TMTC2: variants seen among roughly 807,000 people sequenced by gnomAD.
TMTC2 encodes transmembrane O-mannosyltransferase targeting cadherins 2.
In TMTC2, 43 loss-of-function variants were observed where a neutral mutation model predicts 82.4. The observed-to-expected ratio is 0.52, with a 90% CI of 0.41 to 0.67. The LOEUF is 0.67. Among genes scored for constraint, TMTC2 ranks in the 30% least tolerant of loss-of-function variants. TMTC2 has a pLI of 0.00. For synonymous variants in TMTC2, 408 were observed against 381.9 expected (o/e 1.07, Z -0.80); for missense variants, 919 against 1,012.4 (o/e 0.91, Z 1.25).
At chr12:82,863,323 G>A (rs1444269966) in intron 2 of TMTC2, among the ~76,000 whole-genome samples, 2 of 152,098 alleles carry the variant, frequency 1.3e-5, no homozygotes. Flanking sequence ...TCCAGATGTA[G>A]CAAGATGCTC....
chr12:83,132,641 A>C lies in TMTC2; in HGVS notation c.*252A>C. ...TAGACTGTAAACCAGAGCACTTAAAACAGAACCTTTTGGCATTCTTAAAAA... is the reference window on the plus strand; with the variant it reads ...TAGACTGTAAACCAGAGCACTTAAACCAGAACCTTTTGGCATTCTTAAAAA... On this transcript the variant is annotated 3_prime_UTR_variant, in exon 12 of 12. Transcript: ENST00000321196. 2.5e-6 allele frequency: 1 copy of C among 401,550 alleles called. No homozygotes were observed. The allele number at this position is 401,550 out of a possible 1,614,324, so 24.9% of individuals were successfully genotyped here. A position where few individuals can be genotyped will look rare whatever the true frequency, so the allele number is the denominator to read the frequency against.
At chr12:82,961,234 T>C (rs1171044120) in intron 4 of TMTC2, among the ~76,000 whole-genome samples, 1 of 121,270 alleles carries the variant, frequency 8.2e-6, no homozygotes, top group Non-Finnish European at 1.7e-5. Flanking sequence ...ATTATTATTG[T>C]AACTATTGTA....
intron 9 of TMTC2, among the ~76,000 whole-genome samples, chr12:83,045,161 A>C (rs1882040415): frequency 6.6e-6 from 1 of 152,226 alleles, no homozygotes; most frequent in Admixed American, 6.5e-5. Context: ...TTCCCACTTT[A>C]GCCCATGAGG....
intron 1 of TMTC2, among the ~76,000 whole-genome samples, chr12:82,708,685 C>A (rs532019450): frequency 6.6e-6 from 1 of 152,172 alleles, no homozygotes; most frequent in East Asian, 1.9e-4. Context: ...GCTGCTTCTA[C>A]GATGCTCGAG....
chr12:82,910,432 C>T (rs1238986857), intron 3 of TMTC2, among the ~76,000 whole-genome samples: 1 of 152,164 alleles, frequency 6.6e-6, no homozygotes, highest in East Asian at 1.9e-4. Flanking sequence ...TGAATGTTTA[C>T]AGCTACTGAA....
chr12:82,717,383 C>T (rs1873952820), intron 1 of TMTC2, among the ~76,000 whole-genome samples: 2 of 152,152 alleles, frequency 1.3e-5, no homozygotes, highest in African/African-American at 4.8e-5. Context: ...CACCACCATG[C>T]CCGGCTAAGT....
At chr12:82,953,840 GAAAAA>G (rs11284711) in intron 4 of TMTC2, among the ~76,000 whole-genome samples, 3 of 147,890 alleles carry the variant, frequency 2.0e-5, no homozygotes, top group African/African-American at 4.9e-5. Context: ...TTATCTCTGA[GAAAAA>G]AAAAAAACCC....
intron 8 of TMTC2, among the ~76,000 whole-genome samples, chr12:83,022,542 A>G (rs1054431516): frequency 6.6e-6 from 1 of 152,114 alleles, no homozygotes; most frequent in African/African-American, 2.4e-5. Context: ...AGCCTATCAC[A>G]TAGCAGGAAC....
At chr12:83,084,931 C>T (rs546246686) in intron 11 of TMTC2, among the ~76,000 whole-genome samples, 12 of 152,312 alleles carry the variant, frequency 7.9e-5, no homozygotes, top group Admixed American at 2.6e-4. Context: ...ATTGGCTAAG[C>T]CTGCATGCTT....
intron 11 of TMTC2, among the ~76,000 whole-genome samples, chr12:83,110,918 G>A (rs1226768129): frequency 6.6e-6 from 1 of 152,200 alleles, no homozygotes; most frequent in Non-Finnish European, 1.5e-5. Context: ...TCTGCCCAAT[G>A]CCTGCTTAGT....
chr12:82,958,861 C>A (rs1358779522), intron 4 of TMTC2, among the ~76,000 whole-genome samples: 1 of 152,022 alleles, frequency 6.6e-6, no homozygotes. Context: ...AAATAAAAGG[C>A]CTCCAAATAG....
chr12:82,940,602 G>A (rs1435028966), intron 4 of TMTC2, among the ~76,000 whole-genome samples: 1 of 148,170 alleles, frequency 6.7e-6, no homozygotes, highest in African/African-American at 2.5e-5. Context: ...TCCCAAATAT[G>A]TTTTGCTTTT....
intron 8 of TMTC2, among the ~76,000 whole-genome samples, chr12:82,995,315 C>T (rs1484494760): frequency 8.3e-6 from 1 of 119,986 alleles, no homozygotes; most frequent in Non-Finnish European, 1.8e-5. Flanking sequence ...TTCCTTGTGG[C>T]ATTTGGTTAT....
intron 8 of TMTC2, among the ~76,000 whole-genome samples, chr12:83,022,884 A>G (rs1392759070): frequency 1.3e-5 from 2 of 152,208 alleles, no homozygotes; most frequent in Non-Finnish European, 2.9e-5. Context: ...TGGTTTAGAT[A>G]ATTTTCTGCA....
At chr12:83,046,987 G>C (rs915805500) in intron 9 of TMTC2, among the ~76,000 whole-genome samples, 13 of 152,306 alleles carry the variant, frequency 8.5e-5, no homozygotes, top group Admixed American at 5.9e-4. Context: ...ACTGGTCTAA[G>C]AAGGCGTCAC....
chr12:82,964,396 C>G (rs755789717), intron 4 of TMTC2, among the ~76,000 whole-genome samples: 3 of 152,050 alleles, frequency 2.0e-5, no homozygotes, highest in Non-Finnish European at 4.4e-5. Context: ...AGATGTTTTT[C>G]AGAACAGTGA....
At chr12:83,006,964 G>A (rs971155499) in intron 8 of TMTC2, among the ~76,000 whole-genome samples, 6 of 152,126 alleles carry the variant, frequency 3.9e-5, no homozygotes, top group Non-Finnish European at 7.3e-5. Flanking sequence ...GGGAGGGATA[G>A]CATTAAGAGA....
At chr12:83,019,307 G>A (rs1004742300) in intron 8 of TMTC2, among the ~76,000 whole-genome samples, 2 of 152,108 alleles carry the variant, frequency 1.3e-5, no homozygotes, top group African/African-American at 4.8e-5. Flanking sequence ...GCAGTTGTCT[G>A]TAATTGTTCT....
chr12:83,113,490 G>A (rs7302697), intron 11 of TMTC2, among the ~76,000 whole-genome samples: 52,679 of 152,034 alleles, frequency 0.35, 9,588 homozygotes, highest in East Asian at 0.62. Flanking sequence ...GGCGATAAGT[G>A]AACCTTTACT....
Sources: allele counts gnomAD v4.1 joint callset (sites outside exome capture counted in the v4.1 genomes callset), GRCh38; gene constraint gnomAD v4.1.1; transcripts MANE v1.5; gene names NCBI Gene and HGNC (gene_info 2026-07-23, HGNC 2026-07-21).